GAGE10: variants seen among roughly 807,000 people sequenced by gnomAD.
GAGE10 encodes the protein G antigen 10.
Under a neutral mutation model 11.5 loss-of-function variants are expected in GAGE10, and 9 were observed. That is an observed-to-expected ratio of 0.78 (90% CI 0.47 to 1.37). The LOEUF (loss-of-function observed/expected upper bound fraction) is 1.37. Among genes scored for constraint, GAGE10 ranks in the 40% most tolerant of loss-of-function variants. The probability of loss-of-function intolerance (pLI) is 0.00; values close to 1 mark genes in which losing one functional copy is unlikely to be tolerated. For synonymous variants in GAGE10, 23 were observed against 29.7 expected (o/e 0.77, Z 0.73); for missense variants, 83 against 92.9 (o/e 0.89, Z 0.44).
At chrX:49,307,833 T>G (rs1468832654) in intron 3 of GAGE10, among the ~76,000 whole-genome samples, 1 of 111,938 alleles carries the variant, frequency 8.9e-6, no homozygotes, top group Non-Finnish European at 1.9e-5. Context: ...CTCAGTTGTA[T>G]GTAAGAAAAC....
At chrX:49,305,026 G>A in intron 2 of GAGE10, 86 bp downstream of exon 2, 1 of 1,063,796 alleles carries the variant, frequency 9.4e-7, no homozygotes. Context: ...TGGAAATGCT[G>A]ATAAAGGTCT....
At position 49,306,836 on chromosome X, in the gene GAGE10, T is replaced by TAAAC. The variant is rs10580626; in HGVS notation, c.202+1330_202+1333dup. On this transcript the variant is annotated intron_variant, in intron 3 of 4. Coordinates refer to ENST00000407599, the MANE Select transcript of GAGE10 (RefSeq NM_001098413.4). Reference sequence around the variant, plus strand: ...CAAGACCTTATCACTAATAAATAAATAAACAAACAAACAAACAAACAGATA... The same window carrying TAAAC: ...CAAGACCTTATCACTAATAAATAAATAAACAAACAAACAAACAAACAAACAGATA... Among the ~76,000 whole-genome samples, 195 of 108,699 alleles carry TAAAC rather than the reference T, an allele frequency of 1.8e-3. 1 individual carries two copies. The highest frequency in any genetic ancestry group is 9.6e-3 in the Middle Eastern group (2 of 208). The allele number at this position is 108,699 out of a possible 115,157, so 94.4% of individuals were successfully genotyped here.
Position 49,317,297 on chromosome X carries a change from T to G in GAGE10, c.328+9T>G. 8.3e-7 allele frequency: 1 copy of G among 1,200,864 alleles called. No homozygotes were observed. The highest frequency in any genetic ancestry group is 2.3e-4 in the Middle Eastern group (1 of 4,301). On this transcript the variant is annotated intron_variant, in intron 4 of 4. Coordinates refer to ENST00000407599, the MANE Select transcript of GAGE10 (RefSeq NM_001098413.4). ...GAAAAGGCCTGAAGAAGGTAGGGAA[T>G]CCATTAGGCATGCACATTGTAGGGT...
intron 3 of GAGE10, among the ~76,000 whole-genome samples, chrX:49,309,871 C>T (rs2066370143): frequency 8.9e-6 from 1 of 111,962 alleles, no homozygotes. Flanking sequence ...TAGGCCGTCT[C>T]AGGTCTGGCC....
rs782695224 is a variant in GAGE10, at chrX:49,304,720, A to G, written c.-8-132A>G. 195 of 860,987 alleles carry G rather than the reference A, an allele frequency of 2.3e-4. No homozygotes were observed. The South Asian group carries it at 3.8e-3, about 17-fold the overall frequency. 71.0% of individuals were successfully genotyped at this position (860,987 alleles called of 1,213,427 possible). The stretch of plus-strand genomic sequence containing the variant: ...AGGCACTCAGAAAAGGTACACACAT[A>G]TGCTTAACTCTGGGACTTATTTTGA... On this transcript the variant is annotated intron_variant, in intron 1 of 4. Coordinates refer to ENST00000407599, the MANE Select transcript of GAGE10 (RefSeq NM_001098413.4).
intron 3 of GAGE10, among the ~76,000 whole-genome samples, chrX:49,310,755 C>CT (rs1234174183): frequency 2.3e-5 from 2 of 86,549 alleles, no homozygotes; most frequent in African/African-American, 2.0e-4. Flanking sequence ...ACCCGATTAG[C>CT]CCCCCCCCAC....
intron 3 of GAGE10, among the ~76,000 whole-genome samples, chrX:49,309,791 A>G (rs1196000535): frequency 9.0e-6 from 1 of 111,385 alleles, no homozygotes; most frequent in Non-Finnish European, 1.9e-5. Flanking sequence ...AAAGAGATAC[A>G]GGCTCCCAGT....
intron 3 of GAGE10, among the ~76,000 whole-genome samples, chrX:49,315,211 T>C (rs1367379379): frequency 8.9e-6 from 1 of 112,233 alleles, no homozygotes; most frequent in African/African-American, 3.2e-5. Flanking sequence ...CAGGGGCGTG[T>C]GTGTTAGGAA....
chrX:49,317,387 C>G (rs1256492346), intron 4 of GAGE10, 99 bp downstream of exon 4: 2 of 1,096,131 alleles, frequency 1.8e-6, no homozygotes, highest in Non-Finnish European at 2.5e-6. Flanking sequence ...TTGCTCTGTC[C>G]ACCAGGCTGG....
rs782315293 is a variant in GAGE10 at position 49,304,114 on chromosome X, C to G, written c.-9+361C>G. 2.7e-5 allele frequency among the ~76,000 whole-genome samples: 3 copies of G among 111,791 alleles called. No individual in the cohort carries two copies. In the South Asian group the frequency reaches 1.1e-3, roughly 42 times the overall value. On this transcript the variant is annotated intron_variant, in intron 1 of 4. Coordinates refer to ENST00000407599, the MANE Select transcript of GAGE10 (RefSeq NM_001098413.4). Reference sequence around the variant, plus strand: ...CCGGAGGTGCCAGGAATACCCGATACAGGGGAGATCCCTGAATGAGGTCCC... The same window carrying G: ...CCGGAGGTGCCAGGAATACCCGATAGAGGGGAGATCCCTGAATGAGGTCCC...
chrX:49,314,520 T>G (rs1164651558), intron 3 of GAGE10, among the ~76,000 whole-genome samples: 1 of 112,574 alleles, frequency 8.9e-6, no homozygotes, highest in Non-Finnish European at 1.9e-5. Context: ...TTTTACTATC[T>G]TAAAGCCAGA....
chrX:49,310,070 C>T (rs1279459015), intron 3 of GAGE10, among the ~76,000 whole-genome samples: 1 of 112,159 alleles, frequency 8.9e-6, no homozygotes, highest in Non-Finnish European at 1.9e-5. Flanking sequence ...ATAAAAGCAC[C>T]AGCCAGTTTT....
intron 1 of GAGE10, 119 bp from the exon 2 acceptor site, chrX:49,304,733 G>T: frequency 1.0e-6 from 1 of 967,925 alleles, no homozygotes; most frequent in Non-Finnish European, 1.5e-6. Context: ...CTTAACTCTG[G>T]GACTTATTTT....
At chrX:49,317,545 A>G (rs1160102317) in intron 4 of GAGE10, among the ~76,000 whole-genome samples, 14 of 111,375 alleles carry the variant, frequency 1.3e-4, no homozygotes, top group African/African-American at 3.3e-4. Flanking sequence ...ACAGGGTTTC[A>G]TTATGTTGCA....
chrX:49,309,252 A>G (rs1454291461), intron 3 of GAGE10, among the ~76,000 whole-genome samples: 5 of 112,341 alleles, frequency 4.5e-5, no homozygotes, highest in Non-Finnish European at 5.6e-5. Context: ...TTTGGAGTGC[A>G]TGATGAAAAA....
At chrX:49,313,251 A>G (rs1401546874) in intron 3 of GAGE10, among the ~76,000 whole-genome samples, 1 of 112,073 alleles carries the variant, frequency 8.9e-6, no homozygotes. Context: ...CAGCCTACTC[A>G]CCACAGAGTT....
rs782659658 is a variant in GAGE10 at position 49,317,261 on chromosome X, C to A, written c.301C>A (p.Pro101Thr). The A allele has an allele frequency of 8.3e-7, 1 of 1,207,207 alleles. No individual in the cohort carries two copies. Among genetic ancestry groups the A allele is most frequent in the Non-Finnish European group, 1.1e-6 (1 of 892,853 alleles). Residue 101 changes from proline to threonine, a missense_variant, in exon 4 of 5, where the codon CCA becomes ACA. Coordinates refer to ENST00000407599, the MANE Select transcript of GAGE10 (RefSeq NM_001098413.4). ...PDGQEMGLPN[P>T]EEVKRPEEGE... ...TGGCCAGGAGATGGGCCTGCCAAAT[C>A]CAGAGGAGGTGAAAAGGCCTGAAGA... is the stretch of plus-strand genomic sequence containing the variant.
intron 3 of GAGE10, among the ~76,000 whole-genome samples, chrX:49,308,799 G>A (rs1280757557): frequency 9.0e-6 from 1 of 111,461 alleles, no homozygotes; most frequent in Non-Finnish European, 1.9e-5. Context: ...AGAGAGGCTC[G>A]TTTCGTCTGA....
chrX:49,303,990 G>T (rs1363392454), intron 1 of GAGE10, among the ~76,000 whole-genome samples: 1 of 111,921 alleles, frequency 8.9e-6, no homozygotes, highest in Non-Finnish European at 1.9e-5. Flanking sequence ...GTCGTGAAGG[G>T]GCCAGGACAA....
Sources: allele counts gnomAD v4.1 joint callset (sites outside exome capture counted in the v4.1 genomes callset), GRCh38; gene constraint gnomAD v4.1.1; transcripts MANE v1.5; gene names NCBI Gene and HGNC (gene_info 2026-07-23, HGNC 2026-07-21).